The following EFNB3 variants were observed in gnomAD, a reference collection of about 807,000 sequenced individuals.
EFNB3 encodes the protein ephrin-B3.
EFNB3 carries 14 observed loss-of-function variants against 29.8 expected under a neutral mutation model. That is an observed-to-expected ratio of 0.47 (90% CI 0.31 to 0.73). The LOEUF (loss-of-function observed/expected upper bound fraction) is 0.73, where lower values mean the gene tolerates loss of function less well. Ranked by LOEUF, EFNB3 falls within the 30% of genes least tolerant of loss-of-function variation. The pLI is 0.05. For missense variants in EFNB3, 408 were observed against 458.0 expected (o/e 0.89, Z 1.00); for synonymous variants, 216 against 191.6 (o/e 1.13, Z -1.05).
Position 7,709,080 on chromosome 17 carries a change from T to G in EFNB3, c.614-87T>G. The G allele has an allele frequency of 7.3e-7, 1 of 1,360,772 alleles. No homozygotes were observed. Among genetic ancestry groups the G allele is most frequent in the Non-Finnish European group, 1.0e-6 (1 of 985,266 alleles). The allele number at this position is 1,360,772 out of a possible 1,614,324, so 84.3% of individuals were successfully genotyped here. The stretch of plus-strand genomic sequence containing the variant: ...GCCTGGGCGCTACAAGGGAAGCCCA[T>G]GGGGACCCCCAGGGTTGGGTGTCCA... On this transcript the variant is annotated intron_variant, in intron 4 of 4. Coordinates refer to ENST00000226091, the MANE Select transcript of EFNB3 (RefSeq NM_001406.4). The surrounding 1 kb of genome is among the most constrained non-coding windows in gnomAD (Gnocchi z 4.5).
rs1373446630 is a variant in EFNB3, at chr17:7,710,321, T to C, written c.*745T>C. The C allele has an allele frequency of 6.5e-6, 1 of 153,030 alleles. No homozygotes were observed. The highest frequency in any genetic ancestry group is 1.9e-4 in the East Asian group (1 of 5,190). The allele number at this position is 153,030 out of a possible 1,614,324, so 9.5% of individuals were successfully genotyped here. ...ATGACAGCTACCATGAGAAGAAGTG[T>C]CCCGTTTTGTCCAGTGGCCAATAGC... is the stretch of plus-strand genomic sequence containing the variant. On this transcript the variant is annotated 3_prime_UTR_variant, in exon 5 of 5. Transcript: ENST00000226091.
Position 7,709,616 on chromosome 17 carries a change from T to G in EFNB3, c.*40T>G. 2.5e-6 allele frequency: 4 copies of G among 1,612,652 alleles called. No individual in the cohort carries two copies. Among genetic ancestry groups the G allele is most frequent in the Non-Finnish European group, 3.4e-6 (4 of 1,179,556 alleles). ...TGGCTATCCTGAATCCAGCCCTTCTTGGGGTGCTCCTCCAGTTTAATTCCT... is the reference window on the plus strand; with the variant it reads ...TGGCTATCCTGAATCCAGCCCTTCTGGGGGTGCTCCTCCAGTTTAATTCCT... On this transcript the variant is annotated 3_prime_UTR_variant, in exon 5 of 5. Coordinates refer to ENST00000226091, the MANE Select transcript of EFNB3 (RefSeq NM_001406.4). This position sits in a 1 kb window ranked among gnomAD's most constrained non-coding sequence, Gnocchi z 4.5.
In EFNB3 at chr17:7,708,843, GA is replaced by G; in HGVS notation, c.613+105del. On this transcript the variant is annotated intron_variant, in intron 4 of 4. Transcript: ENST00000226091. The surrounding 1 kb of genome is among the most constrained non-coding windows in gnomAD (Gnocchi z 6.8). ...CTCCCTCTTCAGTTTTGGGGGCGGT[GA>G]TACAGGAAAGAGGAGAAGAGAGGAT... The G allele has an allele frequency of 2.5e-6, 2 of 805,590 alleles. No homozygotes were observed. The highest frequency in any genetic ancestry group is 3.7e-6 in the Non-Finnish European group (2 of 541,174). 49.9% of individuals were successfully genotyped at this position (805,590 alleles called of 1,614,324 possible). A position where few individuals can be genotyped will look rare whatever the true frequency, so the allele number is the denominator to read the frequency against.
chr17:7,708,452 C>G lies in EFNB3; in HGVS notation c.433C>G (p.Arg145Gly). The change falls in exon 3 of 5, where the codon CGG (arginine) becomes GGG (glycine). Residue 145 changes from arginine (R) to glycine (G), a missense_variant. By Grantham distance (125) the Arg-to-Gly change is moderately radical (BLOSUM62 -2). Around this residue, in one of 3 missense-constraint regions of EFNB3, gnomAD observed 47 missense variants for 86.6 expected, o/e 0.54. Coordinates refer to ENST00000226091, the MANE Select transcript of EFNB3 (RefSeq NM_001406.4). The surrounding 1 kb of genome is among the most constrained non-coding windows in gnomAD (Gnocchi z 6.8). ...YYIIATSDGT[R>G]EGLESLQGGV... Reference sequence around the variant, plus strand: ...TCTCCCAGCCACATCGGATGGGACCCGGGAGGGCCTGGAGAGCCTGCAGGG... The same window carrying G: ...TCTCCCAGCCACATCGGATGGGACCGGGGAGGGCCTGGAGAGCCTGCAGGG... The G allele has an allele frequency of 6.2e-7, 1 of 1,613,422 alleles. No individual in the cohort carries two copies. Among genetic ancestry groups the G allele is most frequent in the Non-Finnish European group, 8.5e-7 (1 of 1,179,758 alleles).
In EFNB3 at chr17:7,708,927, A is replaced by G. The variant is rs1448264403; in HGVS notation, c.613+188A>G. The stretch of plus-strand genomic sequence containing the variant: ...GGAAAAGACTCAATTAGAACTAATT[A>G]GCCAAGTCAGTGCTTCAATCAGTGC... On this transcript the variant is annotated intron_variant, in intron 4 of 4. Transcript: ENST00000226091. This position sits in a 1 kb window ranked among gnomAD's most constrained non-coding sequence, Gnocchi z 6.8. Among the ~76,000 whole-genome samples the G allele has an allele frequency of 1.3e-5, 2 of 152,226 alleles. No homozygotes were observed. The highest frequency in any genetic ancestry group is 2.9e-5 in the Non-Finnish European group (2 of 68,028).
chr17:7,707,977 T>C lies in EFNB3; in HGVS notation c.142T>C (p.Tyr48His), dbSNP rs2074333052. 6.2e-7 allele frequency: 1 copy of C among 1,613,338 alleles called. No individual in the cohort carries two copies. Among genetic ancestry groups the C allele is most frequent in the Non-Finnish European group, 8.5e-7 (1 of 1,179,600 alleles). Reference protein sequence around the residue: ...ANKRFQAEGGYVLYPQIGDRL... With the variant: ...ANKRFQAEGGHVLYPQIGDRL... The stretch of plus-strand genomic sequence containing the variant: ...CCATAGGTTCCAGGCAGAGGGTGGT[T>C]ATGTGCTGTACCCTCAGATCGGGGA... Residue 48 changes from tyrosine to histidine, a missense_variant, in exon 2 of 5, where the codon TAT becomes CAT. Physicochemically the swap from Tyr to His is moderately conservative, Grantham distance 83. Around this residue, in one of 3 missense-constraint regions of EFNB3, gnomAD observed 128 missense variants for 140.8 expected, o/e 0.91. Transcript: ENST00000226091.
chr17:7,708,835 G>A lies in EFNB3; in HGVS notation c.613+96G>A. On this transcript the variant is annotated intron_variant, in intron 4 of 4. Transcript: ENST00000226091. This position sits in a 1 kb window ranked among gnomAD's most constrained non-coding sequence, Gnocchi z 6.8. ...CACCCTCCCTCCCTCTTCAGTTTTG[G>A]GGGCGGTGATACAGGAAAGAGGAGA... 1 of 1,152,362 alleles carries A rather than the reference G, an allele frequency of 8.7e-7. No individual in the cohort carries two copies. Among genetic ancestry groups the A allele is most frequent in the Non-Finnish European group, 1.2e-6 (1 of 826,266 alleles). 71.4% of individuals were successfully genotyped at this position (1,152,362 alleles called of 1,614,324 possible).
Position 7,709,534 on chromosome 17 carries a change from T to G in EFNB3, c.981T>G (p.Asp327Glu), listed in dbSNP as rs780949918. The G allele has an allele frequency of 6.2e-7, 1 of 1,613,936 alleles. No individual in the cohort carries two copies. The highest frequency in any genetic ancestry group is 8.5e-7 in the Non-Finnish European group (1 of 1,179,940). The change falls in exon 5 of 5, where the codon GAT becomes GAG. Residue 327 changes from aspartate (D) to glutamate (E), a missense_variant. By Grantham distance (45) the Asp-to-Glu change is conservative. Around this residue, in one of 3 missense-constraint regions of EFNB3, gnomAD observed 233 missense variants for 230.7 expected, o/e 1.01. Transcript: ENST00000226091. This position sits in a 1 kb window ranked among gnomAD's most constrained non-coding sequence, Gnocchi z 4.5. ...DYGHPVYIVQ[D>E]GPPQSPPNIY... ...GGCATCCTGTGTATATCGTGCAGGA[T>G]GGGCCCCCCCAGAGCCCTCCAAACA... is the stretch of plus-strand genomic sequence containing the variant.
In EFNB3 at chr17:7,705,981, G is replaced by A. The variant is rs1178495701; in HGVS notation, c.122+261G>A. 6.6e-6 allele frequency among the ~76,000 whole-genome samples: 1 copy of A among 151,470 alleles called. No homozygotes were observed. Among genetic ancestry groups the A allele is most frequent in the East Asian group, 2.0e-4 (1 of 5,108 alleles). On this transcript the variant is annotated intron_variant, in intron 1 of 4. Transcript: ENST00000226091. This position sits in a 1 kb window ranked among gnomAD's most constrained non-coding sequence, Gnocchi z 5.4. ...GGAGAAGAAAGTTCATGGGTAGCCG[G>A]GAGGGCAGTGAGGTGGGTATTTGGA...
At position 7,705,626 on chromosome 17, in the gene EFNB3, G is replaced by A. The variant is rs753058774; in HGVS notation, c.28G>A (p.Gly10Ser). MGPPHSGPG[G>S]VRVGALLLLG... ...GGGGCCCCCCCATTCTGGGCCGGGGGGCGTGCGAGTCGGGGCCCTGCTGCT... is the reference window on the plus strand; with the variant it reads ...GGGGCCCCCCCATTCTGGGCCGGGGAGCGTGCGAGTCGGGGCCCTGCTGCT... The change falls in exon 1 of 5, where the codon GGC becomes AGC. Residue 10 changes from glycine to serine, a missense_variant. Around this residue, in one of 3 missense-constraint regions of EFNB3, gnomAD observed 128 missense variants for 140.8 expected, o/e 0.91. Transcript: ENST00000226091. The surrounding 1 kb of genome is among the most constrained non-coding windows in gnomAD (Gnocchi z 5.4). The A allele has an allele frequency of 2.6e-6, 4 of 1,510,220 alleles. No individual in the cohort carries two copies. The highest frequency in any genetic ancestry group is 3.5e-6 in the Non-Finnish European group (4 of 1,144,922). The allele number at this position is 1,510,220 out of a possible 1,614,324, so 93.6% of individuals were successfully genotyped here. A position where few individuals can be genotyped will look rare whatever the true frequency, so the allele number is the denominator to read the frequency against.
chr17:7,709,031 G>T lies in EFNB3; in HGVS notation c.614-136G>T. 1 of 904,482 alleles carries T rather than the reference G, an allele frequency of 1.1e-6. No individual in the cohort carries two copies. Among genetic ancestry groups the T allele is most frequent in the Non-Finnish European group, 1.7e-6 (1 of 586,898 alleles). 56.0% of individuals were successfully genotyped at this position (904,482 alleles called of 1,614,324 possible). A position where few individuals can be genotyped will look rare whatever the true frequency, so the allele number is the denominator to read the frequency against. On this transcript the variant is annotated intron_variant, in intron 4 of 4. Transcript: ENST00000226091. The surrounding 1 kb of genome is among the most constrained non-coding windows in gnomAD (Gnocchi z 4.5). Reference sequence around the variant, plus strand: ...GGATTCTGAGCAGAGTTCGGAGGGGGAGGAGAGATGGGGTCCCCAAGGGGC... The same window carrying T: ...GGATTCTGAGCAGAGTTCGGAGGGGTAGGAGAGATGGGGTCCCCAAGGGGC...
In EFNB3 at chr17:7,708,544, G is replaced by A. The variant is rs757733638; in HGVS notation, c.508+17G>A. ...TGGGACAAAGTGAGTGGGGCTGGGG[G>A]ACACCTCCTGGGCACGAAGGGACGT... On this transcript the variant is annotated intron_variant, in intron 3 of 4. Coordinates refer to ENST00000226091, the MANE Select transcript of EFNB3 (RefSeq NM_001406.4). The surrounding 1 kb of genome is among the most constrained non-coding windows in gnomAD (Gnocchi z 6.8). 5 of 1,611,596 alleles carry A rather than the reference G, an allele frequency of 3.1e-6. No individual in the cohort carries two copies. The South Asian group carries it at 4.4e-5, about 14-fold the overall frequency.
chr17:7,709,689 C>A lies in EFNB3; in HGVS notation c.*113C>A. On this transcript the variant is annotated 3_prime_UTR_variant, in exon 5 of 5. Transcript: ENST00000226091. This position sits in a 1 kb window ranked among gnomAD's most constrained non-coding sequence, Gnocchi z 4.5. Reference sequence around the variant, plus strand: ...TCTCGGCCCCCTGTGCCCCCCCAGCCCCTTCACTCCTCCCGGCTGCTGTCC... The same window carrying A: ...TCTCGGCCCCCTGTGCCCCCCCAGCACCTTCACTCCTCCCGGCTGCTGTCC... The A allele has an allele frequency of 9.4e-7, 1 of 1,058,312 alleles. No individual in the cohort carries two copies. The highest frequency in any genetic ancestry group is 1.4e-6 in the Non-Finnish European group (1 of 708,086). 65.6% of individuals were successfully genotyped at this position (1,058,312 alleles called of 1,614,324 possible).
rs1320214888 is a variant in EFNB3, at chr17:7,705,900, A to T, written c.122+180A>T. On this transcript the variant is annotated intron_variant, in intron 1 of 4. Transcript: ENST00000226091. This position sits in a 1 kb window ranked among gnomAD's most constrained non-coding sequence, Gnocchi z 5.4. The stretch of plus-strand genomic sequence containing the variant: ...GAGCCAGACTCCGGGTCCCACGCAG[A>T]GCTGGATGCGGGTGGTGCTATGGAT... Among the ~76,000 whole-genome samples, 1 of 151,488 alleles carries T rather than the reference A, an allele frequency of 6.6e-6. No homozygotes were observed. The highest frequency in any genetic ancestry group is 2.0e-4 in the East Asian group (1 of 5,110).
chr17:7,707,298 C>T (rs2074330713), intron 1 of EFNB3, among the ~76,000 whole-genome samples: 1 of 152,150 alleles, frequency 6.6e-6, no homozygotes, highest in Admixed American at 6.5e-5. Flanking sequence ...AGAGCACTTG[C>T]CCCAGAAGTC....
chr17:7,708,719 C>A lies in EFNB3; in HGVS notation c.593C>A (p.Pro198His). 2 of 1,568,110 alleles carry A rather than the reference C, an allele frequency of 1.3e-6. No individual in the cohort carries two copies. The highest frequency in any genetic ancestry group is 1.9e-5 in the Admixed American group (1 of 53,714). ...RDRGAAHSLE[P>H]GKENLPGDPT... ...CGAGGGGCAGCCCACAGCCTGGAGC[C>A]TGGGAAGGAGAACCTGCCAGGTAGG... Residue 198 changes from proline (P) to histidine (H), a missense_variant, in exon 4 of 5, where the codon CCT (proline) becomes CAT (histidine). By Grantham distance (77) the Pro-to-His change is moderately conservative (BLOSUM62 -2). Transcript: ENST00000226091. The surrounding 1 kb of genome is among the most constrained non-coding windows in gnomAD (Gnocchi z 6.8).
In EFNB3 at chr17:7,711,238, C is replaced by T. The variant is rs953105816; in HGVS notation, c.*1662C>T. The T allele has an allele frequency of 3.3e-5, 5 of 152,618 alleles. No homozygotes were observed. The highest frequency in any genetic ancestry group is 7.2e-5 in the African/African-American group (3 of 41,422). The allele number at this position is 152,618 out of a possible 1,614,324, so 9.5% of individuals were successfully genotyped here. ...CCAGCTCCTTCCTGATTTTTCTAAT[C>T]GCTCCTTCTGGGGAACAGGAAGTTG... is the stretch of plus-strand genomic sequence containing the variant. On this transcript the variant is annotated 3_prime_UTR_variant, in exon 5 of 5. Transcript: ENST00000226091.
rs1235625949 is a variant in EFNB3, at chr17:7,710,795, G to C, written c.*1219G>C. 6.6e-6 allele frequency: 1 copy of C among 152,642 alleles called. No individual in the cohort carries two copies. Among genetic ancestry groups the C allele is most frequent in the Non-Finnish European group, 1.5e-5 (1 of 68,064 alleles). The allele number at this position is 152,642 out of a possible 1,614,324, so 9.5% of individuals were successfully genotyped here. On this transcript the variant is annotated 3_prime_UTR_variant, in exon 5 of 5. Coordinates refer to ENST00000226091, the MANE Select transcript of EFNB3 (RefSeq NM_001406.4). ...AGATGACTGCCATGTGCTGTGGCAG[G>C]CCTAATTTGTCTTGTTCTTTCCTTT...
chr17:7,709,225 C>A lies in EFNB3; in HGVS notation c.672C>A (p.Ser224Arg), dbSNP rs1375395580. Reference sequence around the variant, plus strand: ...CTGAAGGCCCCCTGCCCCCTCCCAGCATGCCTGCAGTGGCTGGGGCAGCAG... The same window carrying A: ...CTGAAGGCCCCCTGCCCCCTCCCAGAATGCCTGCAGTGGCTGGGGCAGCAG... ...RGAEGPLPPP[S>R]MPAVAGAAGG... Residue 224 changes from serine to arginine, a missense_variant, in exon 5 of 5, where the codon AGC (serine) becomes AGA (arginine). Around this residue, in one of 3 missense-constraint regions of EFNB3, gnomAD observed 233 missense variants for 230.7 expected, o/e 1.01. Coordinates refer to ENST00000226091, the MANE Select transcript of EFNB3 (RefSeq NM_001406.4). This position sits in a 1 kb window ranked among gnomAD's most constrained non-coding sequence, Gnocchi z 4.5. 6.9e-6 allele frequency: 11 copies of A among 1,603,708 alleles called. No individual in the cohort carries two copies. Among genetic ancestry groups the A allele is most frequent in the Non-Finnish European group, 9.3e-6 (11 of 1,177,822 alleles).
Sources: allele counts gnomAD v4.1 joint callset (sites outside exome capture counted in the v4.1 genomes callset), GRCh38; gene constraint gnomAD v4.1.1; regional missense constraint gnomAD v4.1.1; non-coding constraint Gnocchi (gnomAD v3.1); transcripts MANE v1.5; gene names NCBI Gene and HGNC (gene_info 2026-07-23, HGNC 2026-07-21).